TREM1: variants seen among roughly 807,000 people sequenced by gnomAD.
TREM1 encodes triggering receptor expressed on myeloid cells 1.
Under a neutral mutation model 22.4 loss-of-function variants are expected in TREM1, and 16 were observed. The observed-to-expected ratio is 0.71, with a 90% CI of 0.48 to 1.08. TREM1 has a LOEUF of 1.08. TREM1 is among the 50% of genes least tolerant of loss of function. The probability of loss-of-function intolerance (pLI) is 0.00; values close to 1 mark genes in which losing one functional copy is unlikely to be tolerated. For synonymous variants in TREM1, 110 were observed against 111.6 expected, an observed-to-expected ratio of 0.99 and a Z score of 0.09; for missense variants, 283 against 282.9, an observed-to-expected ratio of 1.00 and a Z score of 0.00.
In TREM1 at chr6:41,283,218, A is replaced by C. The variant is rs372023791; in HGVS notation, c.50-467T>G. ...TAAGTCAGGGCAAGGAGATCAGCTC[A>C]AAAGACCTTTGGACAAACAGTGAGG... On this transcript the variant is annotated intron_variant, in intron 1 of 3. Coordinates refer to ENST00000244709, the MANE Select transcript of TREM1 (RefSeq NM_018643.5). 4.6e-5 allele frequency among the ~76,000 whole-genome samples: 7 copies of C among 152,340 alleles called. No homozygotes were observed. In the East Asian group the frequency reaches 1.3e-3, roughly 29 times the overall value.
chr6:41,280,479 G>T, intron 3 of TREM1: 3 of 1,015,146 alleles, frequency 3.0e-6, no homozygotes, highest in Non-Finnish European at 3.5e-6. Flanking sequence ...TCCAGCTCCT[G>T]CTGAGAGTTA....
At chr6:41,281,311 G>T in intron 2 of TREM1, 158 bp from the exon 3 acceptor site, 1 of 828,092 alleles carries the variant, frequency 1.2e-6, no homozygotes, top group Non-Finnish European at 1.8e-6. Flanking sequence ...AATGAGCATG[G>T]CCCAAATGCA....
chr6:41,279,444 T>C, intron 3 of TREM1: 1 of 868,954 alleles, frequency 1.2e-6, no homozygotes, highest in Non-Finnish European at 1.4e-6. Context: ...AGGCCCTCCT[T>C]CCGGTAAAAG....
intron 1 of TREM1, 48 bp downstream of exon 1, chr6:41,286,559 G>C: frequency 6.2e-7 from 1 of 1,607,626 alleles, no homozygotes; most frequent in Non-Finnish European, 8.5e-7. Context: ...GGCTCCCCGA[G>C]ATCCTGGACC....
chr6:41,284,921 C>A (rs1186854110), intron 1 of TREM1, among the ~76,000 whole-genome samples: 1 of 152,226 alleles, frequency 6.6e-6, no homozygotes, highest in Non-Finnish European at 1.5e-5. Context: ...AGGAATGTGC[C>A]TCCAAGAGAC....
At position 41,275,301 on chromosome 6, in the gene TREM1, A is replaced by G. The variant is rs1230086966; in HGVS notation, c.*824T>C. On this transcript the variant is annotated 3_prime_UTR_variant, in exon 4 of 4. Coordinates refer to ENST00000244709, the MANE Select transcript of TREM1 (RefSeq NM_018643.5). ...TTAGACACAGGCGGAACTCCTGGTT[A>G]TTCTATTCTATATGGTTTTGGGGTC... is the stretch of plus-strand genomic sequence containing the variant. The G allele has an allele frequency of 1.3e-5, 2 of 152,216 alleles. No individual in the cohort carries two copies. Among genetic ancestry groups the G allele is most frequent in the Middle Eastern group, 3.4e-3 (1 of 294 alleles). 9.4% of individuals were successfully genotyped at this position (152,216 alleles called of 1,614,324 possible).
chr6:41,272,752 G>A (rs1392916894), downstream of TREM1, among the ~76,000 whole-genome samples: 1 of 152,100 alleles, frequency 6.6e-6, no homozygotes, highest in Non-Finnish European at 1.5e-5. Context: ...ACCTGTCCAG[G>A]CACAGGCATG....
At chr6:41,284,538 G>C (rs559696239) in intron 1 of TREM1, among the ~76,000 whole-genome samples, 38 of 152,170 alleles carry the variant, frequency 2.5e-4, no homozygotes, top group Non-Finnish European at 4.4e-4. Flanking sequence ...AGTTTGCTGA[G>C]AGACTGTAGC....
intron 1 of TREM1, among the ~76,000 whole-genome samples, chr6:41,284,724 C>T (rs1345712804): frequency 2.6e-5 from 4 of 152,138 alleles, no homozygotes; most frequent in Non-Finnish European, 4.4e-5. Flanking sequence ...TTTCATGGAG[C>T]CCCCTGGCAT....
At chr6:41,272,981 C>CTAGA (rs1476985398), downstream of TREM1, among the ~76,000 whole-genome samples, 3 of 152,142 alleles carry the variant, frequency 2.0e-5, no homozygotes, top group African/African-American at 7.2e-5. Flanking sequence ...TTCTGCTTCC[C>CTAGA]CTTCTATTGA....
At chr6:41,277,612 C>A (rs1400724649) in intron 3 of TREM1, among the ~76,000 whole-genome samples, 1 of 152,214 alleles carries the variant, frequency 6.6e-6, no homozygotes, top group Non-Finnish European at 1.5e-5. Flanking sequence ...CCACTCCCAA[C>A]AGGCCACCAT....
chr6:41,274,873 A>G lies in TREM1; in HGVS notation c.*1252T>C, dbSNP rs1377788962. ...AACATGAGACACACGGTATGTGTGG[A>G]AAAGTATGATTGCTCTTGGGAACTG... On this transcript the variant is annotated 3_prime_UTR_variant, in exon 4 of 4. Coordinates refer to ENST00000244709, the MANE Select transcript of TREM1 (RefSeq NM_018643.5). 1.3e-5 allele frequency among the ~76,000 whole-genome samples: 2 copies of G among 152,174 alleles called. No individual in the cohort carries two copies. The highest frequency in any genetic ancestry group is 1.9e-4 in the East Asian group (1 of 5,186).
At chr6:41,267,550 G>A (rs1424417573), downstream of TREM1, among the ~76,000 whole-genome samples, 1 of 152,110 alleles carries the variant, frequency 6.6e-6, no homozygotes, top group Admixed American at 6.5e-5. Context: ...GCCTATGAGG[G>A]AAGGGTAGGC....
rs1217051953 is a variant in TREM1, at chr6:41,275,456, A to G, written c.*669T>C. The G allele has an allele frequency of 1.3e-5, 2 of 152,278 alleles. No homozygotes were observed. Among genetic ancestry groups the G allele is most frequent in the Non-Finnish European group, 2.9e-5 (2 of 68,120 alleles). The allele number at this position is 152,278 out of a possible 1,614,324, so 9.4% of individuals were successfully genotyped here. On this transcript the variant is annotated 3_prime_UTR_variant, in exon 4 of 4. Transcript: ENST00000244709. ...TCAGGATCCAGCGATAAATGCACAC[A>G]GGATGTCTGACATGGTCTGTTGTTG...
chr6:41,271,407 T>G (rs1325973398), downstream of TREM1, among the ~76,000 whole-genome samples: 14 of 152,136 alleles, frequency 9.2e-5, no homozygotes, highest in Non-Finnish European at 2.1e-4. Context: ...GAGACAGGAT[T>G]TGCCCCAGCC....
intron 3 of TREM1, chr6:41,279,793 T>A (rs147829900): frequency 1.0e-6 from 1 of 985,504 alleles, no homozygotes; most frequent in African/African-American, 1.7e-5. Context: ...TGGATCACAC[T>A]GCAAATTGTT....
At chr6:41,283,600 T>C (rs2627562) in intron 1 of TREM1, among the ~76,000 whole-genome samples, 3 of 151,952 alleles carry the variant, frequency 2.0e-5, no homozygotes, top group African/African-American at 7.3e-5. Context: ...TAGTCCCAGA[T>C]ACATGGGAGG....
chr6:41,284,765 C>T (rs570375672), intron 1 of TREM1, among the ~76,000 whole-genome samples: 4 of 152,312 alleles, frequency 2.6e-5, no homozygotes, highest in Non-Finnish European at 5.9e-5. Context: ...ACAGATCTGC[C>T]TGACCTTAGG....
downstream of TREM1, chr6:41,267,870 T>G (rs1767372094): frequency 2.5e-6 from 1 of 398,180 alleles, no homozygotes; most frequent in African/African-American, 2.1e-5. Flanking sequence ...AGACAAAAGC[T>G]AAAGCTAAAA....
Sources: allele counts gnomAD v4.1 joint callset (sites outside exome capture counted in the v4.1 genomes callset), GRCh38; gene constraint gnomAD v4.1.1; transcripts MANE v1.5; gene names NCBI Gene and HGNC (gene_info 2026-07-23, HGNC 2026-07-21).